FLVCR2: variants seen among roughly 807,000 people sequenced by gnomAD.
FLVCR2 encodes FLVCR choline and putative heme transporter 2.
In FLVCR2, 38 loss-of-function variants were observed where a neutral mutation model predicts 48.9. The ratio of observed to expected loss-of-function variants is 0.78; its 90% confidence interval spans 0.60 to 1.02. The LOEUF is 1.02. Ranked by LOEUF, FLVCR2 falls within the 50% of genes least tolerant of loss-of-function variation. The pLI is 0.00. For synonymous variants in FLVCR2, 255 were observed against 257.0 expected (o/e 0.99, Z 0.07); for missense variants, 664 against 663.3 (o/e 1.00, Z -0.01).
At position 75,579,061 on chromosome 14, in the gene FLVCR2, A is replaced by G; in HGVS notation, c.89A>G (p.His30Arg). The G allele has an allele frequency of 6.2e-7, 1 of 1,604,706 alleles. No homozygotes were observed. The highest frequency in any genetic ancestry group is 8.5e-7 in the Non-Finnish European group (1 of 1,173,172). ...CAAGCGGACCCCAGCGTCTCGGTCC[A>G]TCCCAGCGTCTCGGTCCATCCCAGC... ...ALQADPSVSVHPSVSVHPSVS... is the reference protein window; with the variant it reads ...ALQADPSVSVRPSVSVHPSVS... The change falls in exon 1 of 10, where the codon CAT (histidine) becomes CGT (arginine). Residue 30 changes from histidine to arginine, a missense_variant. His to Arg is a conservative substitution (Grantham distance 29, BLOSUM62 0). Transcript: ENST00000238667.
intron 1 of FLVCR2, among the ~76,000 whole-genome samples, chr14:75,604,847 G>T (rs886907790): frequency 6.6e-6 from 1 of 152,182 alleles, no homozygotes; most frequent in Non-Finnish European, 1.5e-5. Flanking sequence ...TCCTGATGGA[G>T]ACTTGTGCCT....
chr14:75,579,288 G>A lies in FLVCR2; in HGVS notation c.316G>A (p.Gly106Ser), dbSNP rs1888535425. ...MCNSFQWIQYGSINNIFMHFY... is the reference protein window; with the variant it reads ...MCNSFQWIQYSSINNIFMHFY... ...CAACTCCTTTCAGTGGATCCAGTAC[G>A]GCTCCATCAATAACATCTTCATGCA... The change falls in exon 1 of 10, where the codon GGC becomes AGC. Residue 106 changes from glycine (G) to serine (S), a missense_variant. Physicochemically the swap from Gly to Ser is moderately conservative, Grantham distance 56. Transcript: ENST00000238667. 3 of 1,614,070 alleles carry A rather than the reference G, an allele frequency of 1.9e-6. No homozygotes were observed. Among genetic ancestry groups the A allele is most frequent in the Admixed American group, 1.7e-5 (1 of 59,992 alleles).
At chr14:75,583,778 T>A (rs1435608324) in intron 1 of FLVCR2, among the ~76,000 whole-genome samples, 1 of 152,136 alleles carries the variant, frequency 6.6e-6, no homozygotes, top group Non-Finnish European at 1.5e-5. Flanking sequence ...ACAACAGTTA[T>A]GGAGGCAAGG....
intron 2 of FLVCR2, among the ~76,000 whole-genome samples, chr14:75,623,262 A>T (rs1953474267): frequency 1.3e-5 from 2 of 152,204 alleles, no homozygotes. Context: ...GATTACAGGC[A>T]TGAGCCACCA....
chr14:75,604,101 T>C (rs1219610489), intron 1 of FLVCR2: 1 of 152,240 alleles, frequency 6.6e-6, no homozygotes, highest in Non-Finnish European at 1.5e-5. Flanking sequence ...TTATTCCTTA[T>C]GTGGAAAAAG....
chr14:75,646,449 G>A lies in FLVCR2; in HGVS notation c.1558G>A (p.Ala520Thr). Reference protein sequence around the residue: ...EESNTSKVPTAVSEDHL With the variant: ...EESNTSKVPTTVSEDHL ...GAGCAACACCAGCAAAGTGCCCACT[G>A]CTGTGTCAGAGGATCATCTCTGAGA... is the stretch of plus-strand genomic sequence containing the variant. Residue 520 changes from alanine to threonine, a missense_variant, in exon 10 of 10, where the codon GCT becomes ACT. Physicochemically the swap from Ala to Thr is moderately conservative, Grantham distance 58 (BLOSUM62 0). Transcript: ENST00000238667. 1 of 1,613,756 alleles carries A rather than the reference G, an allele frequency of 6.2e-7. No homozygotes were observed. The highest frequency in any genetic ancestry group is 2.2e-5 in the East Asian group (1 of 44,874).
rs1225854160 is a variant in FLVCR2 at position 75,646,552 on chromosome 14, C to T, written c.*80C>T. On this transcript the variant is annotated 3_prime_UTR_variant, in exon 10 of 10. Coordinates refer to ENST00000238667, the MANE Select transcript of FLVCR2 (RefSeq NM_017791.3). ...CAGCTCTCACCGCCAGCACAAAGGG[C>T]TTCGCTAGAGATGTTTTTGGAGGGA... is the stretch of plus-strand genomic sequence containing the variant. 1 of 1,000,970 alleles carries T rather than the reference C, an allele frequency of 1.0e-6. No homozygotes were observed. The highest frequency in any genetic ancestry group is 1.6e-6 in the Non-Finnish European group (1 of 630,270). The allele number at this position is 1,000,970 out of a possible 1,614,324, so 62.0% of individuals were successfully genotyped here.
chr14:75,646,715 G>A lies in FLVCR2; in HGVS notation c.*243G>A, dbSNP rs1890428552. 3.8e-6 allele frequency: 2 copies of A among 527,418 alleles called. No individual in the cohort carries two copies. The highest frequency in any genetic ancestry group is 7.3e-5 in the East Asian group (2 of 27,468). The allele number at this position is 527,418 out of a possible 1,614,324, so 32.7% of individuals were successfully genotyped here. On this transcript the variant is annotated 3_prime_UTR_variant, in exon 10 of 10. Transcript: ENST00000238667. ...CCACCTCCACCCCCTTTTAGGTTAT[G>A]GGAGTTGGTGTTGGGACAGGGTGGC...
chr14:75,594,222 TACCAACA>T (rs1888961549), intron 1 of FLVCR2, among the ~76,000 whole-genome samples: 1 of 152,206 alleles, frequency 6.6e-6, no homozygotes. Flanking sequence ...TCTATATTTC[TACCAACA>T]TTCTGATTAG....
intron 1 of FLVCR2, among the ~76,000 whole-genome samples, chr14:75,615,285 T>C (rs902619788): frequency 6.6e-6 from 1 of 152,068 alleles, no homozygotes; most frequent in Non-Finnish European, 1.5e-5. Context: ...TGAGACGAAG[T>C]GCATATAAGA....
In FLVCR2 at chr14:75,578,723, G is replaced by A. The variant is rs1322506043; in HGVS notation, c.-250G>A. 2 of 581,158 alleles carry A rather than the reference G, an allele frequency of 3.4e-6. No individual in the cohort carries two copies. Among genetic ancestry groups the A allele is most frequent in the Non-Finnish European group, 6.1e-6 (2 of 326,844 alleles). 36.0% of individuals were successfully genotyped at this position (581,158 alleles called of 1,614,324 possible). ...GCAGGAGCGGTCCGGAGCCGGCTGC[G>A]GCGTGTGCGGCCGGCCTTGGGACAG... is the stretch of plus-strand genomic sequence containing the variant. On this transcript the variant is annotated 5_prime_UTR_variant, in exon 1 of 10. Coordinates refer to ENST00000238667, the MANE Select transcript of FLVCR2 (RefSeq NM_017791.3).
chr14:75,610,738 G>C (rs1049204704), intron 1 of FLVCR2, among the ~76,000 whole-genome samples: 1 of 152,216 alleles, frequency 6.6e-6, no homozygotes, highest in African/African-American at 2.4e-5. Context: ...GTAGGTCTAA[G>C]AGTGAGAAGT....
intron 1 of FLVCR2, among the ~76,000 whole-genome samples, chr14:75,606,441 G>A (rs1381633132): frequency 6.6e-6 from 1 of 152,160 alleles, no homozygotes; most frequent in Non-Finnish European, 1.5e-5. Context: ...GTTGGGTGCT[G>A]GACAGGTTTG....
rs576882499 is a variant in FLVCR2 at position 75,626,153 on chromosome 14, G to A, written c.952+1401G>A. Among the ~76,000 whole-genome samples, 12 of 152,136 alleles carry A rather than the reference G, an allele frequency of 7.9e-5. No individual in the cohort carries two copies. In the East Asian group the frequency reaches 1.9e-3, roughly 24 times the overall value. Reference sequence around the variant, plus strand: ...ATTACAGGCACATGCCACCATGCCCGGCTAATTTTTGTATTTTTAGTAGAG... The same window carrying A: ...ATTACAGGCACATGCCACCATGCCCAGCTAATTTTTGTATTTTTAGTAGAG... On this transcript the variant is annotated intron_variant, in intron 3 of 9. Transcript: ENST00000238667.
rs187921294 is a variant in FLVCR2, at chr14:75,589,947, G to A, written c.669+10306G>A. The stretch of plus-strand genomic sequence containing the variant: ...GCTGAGGTCCCACGGTGACTATCTG[G>A]AAACCTTGCTGTCTTAGTCGATTTT... On this transcript the variant is annotated intron_variant, in intron 1 of 9. Transcript: ENST00000238667. 8.1e-4 allele frequency among the ~76,000 whole-genome samples: 124 copies of A among 152,332 alleles called. No individual in the cohort carries two copies. In the Middle Eastern group the frequency reaches 0.01, roughly 13 times the overall value.
chr14:75,590,924 AC>A (rs1888863472), intron 1 of FLVCR2, among the ~76,000 whole-genome samples: 1 of 152,216 alleles, frequency 6.6e-6, no homozygotes, highest in Non-Finnish European at 1.5e-5. Context: ...TTCAGCATCA[AC>A]TCAAATGTCC....
At chr14:75,611,971 C>T (rs1181372728) in intron 1 of FLVCR2, among the ~76,000 whole-genome samples, 1 of 152,108 alleles carries the variant, frequency 6.6e-6, no homozygotes, top group South Asian at 2.1e-4. Flanking sequence ...CAGATGAGTA[C>T]TGATGGCCAG....
At chr14:75,630,580 G>C (rs183199323) in intron 3 of FLVCR2, among the ~76,000 whole-genome samples, 44 of 152,288 alleles carry the variant, frequency 2.9e-4, no homozygotes, top group African/African-American at 9.9e-4. Flanking sequence ...TATTGGCTGG[G>C]CTTGATGGCT....
chr14:75,605,669 C>T (rs924579675), intron 1 of FLVCR2: 6 of 1,521,842 alleles, frequency 3.9e-6, no homozygotes, highest in Admixed American at 2.0e-5. Flanking sequence ...TGGGTTCAGC[C>T]GTGTGTCCGG....
Sources: gnomAD v4.1 joint callset for allele counts (sites outside exome capture counted in the v4.1 genomes callset) on GRCh38, gnomAD v4.1.1 for gene constraint, MANE v1.5 for transcripts, NCBI Gene and HGNC (gene_info 2026-07-23, HGNC 2026-07-21) for gene names.